Variants in ENTREP2 observed in about 807,000 individuals in gnomAD.
ENTREP2 encodes the protein endosomal transmembrane epsin interactor 2, also known as protein ENTREP2.
chr15:29,294,799 GA>G, the ENTREP2 span, among the ~76,000 whole-genome samples: 6 of 152,206 alleles, frequency 3.9e-5, no homozygotes, highest in Non-Finnish European at 8.8e-5. Flanking sequence ...CAGTTACCCA[GA>G]AAACAATGAT....
At chr15:29,452,232 C>T in the ENTREP2 span, among the ~76,000 whole-genome samples, 4 of 152,312 alleles carry the variant, frequency 2.6e-5, no homozygotes, top group Admixed American at 2.0e-4. Context: ...AGCACTGGCA[C>T]CTGGTGCTGA....
chr15:29,247,682 A>G, the ENTREP2 span, among the ~76,000 whole-genome samples: 1 of 152,166 alleles, frequency 6.6e-6, no homozygotes, highest in Non-Finnish European at 1.5e-5. Flanking sequence ...ATACATGTCC[A>G]GCTTCCCTCC....
chr15:29,283,412 G>A, the ENTREP2 span, among the ~76,000 whole-genome samples: 1 of 152,080 alleles, frequency 6.6e-6, no homozygotes, highest in Non-Finnish European at 1.5e-5. Context: ...GCAATGGTGT[G>A]AGCATAGCTC....
the ENTREP2 span, among the ~76,000 whole-genome samples, chr15:29,478,020 T>TATATTTATATATA: frequency 2.6e-5 from 1 of 37,840 alleles, no homozygotes; most frequent in African/African-American, 1.8e-4. Context: ...TATATATATA[T>TATATTTATATATA]TTTTTTTTTT....
At chr15:29,620,385 A>C in the ENTREP2 span, among the ~76,000 whole-genome samples, 9 of 152,218 alleles carry the variant, frequency 5.9e-5, no homozygotes, top group East Asian at 1.9e-4. Flanking sequence ...CCGGCAGGTC[A>C]GGGACAGTGC....
chr15:29,478,009 A>ATTTT, the ENTREP2 span, among the ~76,000 whole-genome samples: 28 of 70,888 alleles, frequency 3.9e-4, 1 homozygote, highest in African/African-American at 2.2e-3. Context: ...ATATATATAT[A>ATTTT]TATATATATA....
the ENTREP2 span, among the ~76,000 whole-genome samples, chr15:29,415,907 G>C: frequency 2.0e-5 from 3 of 152,130 alleles, no homozygotes; most frequent in Admixed American, 6.5e-5. Flanking sequence ...CTGCTTCAAA[G>C]AGAATAAAAT....
chr15:29,120,653 G>T, the ENTREP2 span: 1 of 152,326 alleles, frequency 6.6e-6, no homozygotes, highest in Non-Finnish European at 1.5e-5. Flanking sequence ...GGGTCTCAGG[G>T]GAGGGCAGGG....
the ENTREP2 span, among the ~76,000 whole-genome samples, chr15:29,278,589 A>G: frequency 6.6e-6 from 1 of 152,192 alleles, no homozygotes; most frequent in African/African-American, 2.4e-5. Flanking sequence ...CCTCTGATGC[A>G]TCGTGACCAT....
the ENTREP2 span, among the ~76,000 whole-genome samples, chr15:29,223,902 T>C: frequency 6.6e-6 from 1 of 152,144 alleles, no homozygotes; most frequent in Non-Finnish European, 1.5e-5. Flanking sequence ...CCAGTGCACA[T>C]GAAGTAAAGT....
chr15:29,570,551 G>A, the ENTREP2 span: 10 of 1,467,714 alleles, frequency 6.8e-6, no homozygotes, highest in Admixed American at 2.3e-5. Context: ...GCGGGCCGAG[G>A]TGGTGAGCGC....
At chr15:29,483,910 C>G in the ENTREP2 span, among the ~76,000 whole-genome samples, 1 of 152,110 alleles carries the variant, frequency 6.6e-6, no homozygotes, top group East Asian at 1.9e-4. Flanking sequence ...CTATAGTCTA[C>G]GTTTCAGCTG....
the ENTREP2 span, among the ~76,000 whole-genome samples, chr15:29,295,985 G>T: frequency 1.1e-4 from 16 of 152,282 alleles, no homozygotes; most frequent in African/African-American, 3.1e-4. Flanking sequence ...TTCCATATGT[G>T]TGTGGGCTCC....
chr15:29,245,337 A>G, the ENTREP2 span, among the ~76,000 whole-genome samples: 1 of 152,198 alleles, frequency 6.6e-6, no homozygotes, highest in African/African-American at 2.4e-5. Context: ...GATAAAACAC[A>G]TAAATATTTA....
the ENTREP2 span, among the ~76,000 whole-genome samples, chr15:29,655,061 C>A: frequency 6.6e-6 from 1 of 152,106 alleles, no homozygotes; most frequent in Admixed American, 6.5e-5. Context: ...ACCATCTCAA[C>A]AAACATCAAA....
the ENTREP2 span, among the ~76,000 whole-genome samples, chr15:29,434,849 T>C: frequency 6.6e-6 from 1 of 152,052 alleles, no homozygotes; most frequent in Admixed American, 6.6e-5. Flanking sequence ...CATTTCAAAA[T>C]GGAATTTTGG....
the ENTREP2 span, among the ~76,000 whole-genome samples, chr15:29,466,259 A>G: frequency 6.6e-6 from 1 of 152,204 alleles, no homozygotes; most frequent in East Asian, 1.9e-4. Context: ...ACTACACAAG[A>G]GAACAATGAT....
the ENTREP2 span, among the ~76,000 whole-genome samples, chr15:29,584,431 A>ATG: frequency 9.0e-6 from 1 of 110,670 alleles, no homozygotes; most frequent in Non-Finnish European, 1.9e-5. Flanking sequence ...TTTTAAATGT[A>ATG]TGTGTGTGTG....
the ENTREP2 span, among the ~76,000 whole-genome samples, chr15:29,527,028 C>A: frequency 6.6e-6 from 1 of 152,130 alleles, no homozygotes; most frequent in Non-Finnish European, 1.5e-5. Context: ...TTTCCTTCTG[C>A]TGATATTTTC....
Sources: allele counts gnomAD v4.1 joint callset (sites outside exome capture counted in the v4.1 genomes callset), GRCh38; gene constraint gnomAD v4.1.1; transcripts MANE v1.5; gene names NCBI Gene and HGNC (gene_info 2026-07-23, HGNC 2026-07-21).